CDK7: variants seen among roughly 807,000 people sequenced by gnomAD.
CDK7 encodes the protein cyclin-dependent kinase 7.
In CDK7, 25 loss-of-function variants were observed where a neutral mutation model predicts 49.1. The ratio of observed to expected loss-of-function variants is 0.51; its 90% CI spans 0.37 to 0.71. CDK7 has a LOEUF of 0.71. CDK7 is among the 30% of genes least tolerant of loss of function. CDK7 has a pLI of 0.00. For missense variants in CDK7, 316 were observed against 411.7 expected (o/e 0.77, Z 2.01); for synonymous variants, 107 against 140.0 (o/e 0.76, Z 1.67).
At chr5:69,251,664 G>C (rs575390994) in intron 2 of CDK7, among the ~76,000 whole-genome samples, 1 of 152,016 alleles carries the variant, frequency 6.6e-6, no homozygotes, top group Non-Finnish European at 1.5e-5. Context: ...CTGAGTACTT[G>C]GGACTGTAGG....
chr5:69,270,409 C>T (rs867749662), intron 9 of CDK7, among the ~76,000 whole-genome samples: 60 of 152,296 alleles, frequency 3.9e-4, no homozygotes, highest in African/African-American at 1.3e-3. Context: ...TGCACCACTG[C>T]GCTTTACCAG....
chr5:69,259,761 A>G lies in CDK7; in HGVS notation c.409-57A>G. ...TAAAGTTATGCCAACTAAATGTAGC[A>G]CTACAGTGTTCTCCCCTACCCTGCT... On this transcript the variant is annotated intron_variant, in intron 6 of 11. Coordinates refer to ENST00000256443, the MANE Select transcript of CDK7 (RefSeq NM_001799.4). The G allele has an allele frequency of 1.2e-5, 12 of 1,028,348 alleles. No individual in the cohort carries two copies. In the Middle Eastern group the frequency reaches 9.1e-4, roughly 78 times the overall value. The allele number at this position is 1,028,348 out of a possible 1,614,324, so 63.7% of individuals were successfully genotyped here. A position where few individuals can be genotyped will look rare whatever the true frequency, so the allele number is the denominator to read the frequency against.
At chr5:69,268,702 A>T (rs1561373184) in intron 8 of CDK7, among the ~76,000 whole-genome samples, 1 of 151,612 alleles carries the variant, frequency 6.6e-6, no homozygotes, top group African/African-American at 2.4e-5. Context: ...AATACAAAAA[A>T]ATTAGCCAGG....
rs1461130672 is a variant in CDK7 at position 69,265,160 on chromosome 5, G to A, written c.627+2856G>A. Reference sequence around the variant, plus strand: ...GGCACCTGTAGTTCCAGCTACTCGGGAGACTGAGGCAGGAGAATGGCATGA... The same window carrying A: ...GGCACCTGTAGTTCCAGCTACTCGGAAGACTGAGGCAGGAGAATGGCATGA... On this transcript the variant is annotated intron_variant, in intron 8 of 11. Coordinates refer to ENST00000256443, the MANE Select transcript of CDK7 (RefSeq NM_001799.4). Among the ~76,000 whole-genome samples the A allele has an allele frequency of 5.9e-5, 9 of 151,948 alleles. 1 individual carries two copies. The highest frequency in any genetic ancestry group is 5.3e-4 in the Admixed American group (8 of 15,234).
chr5:69,254,284 G>T (rs1007542589), intron 3 of CDK7, among the ~76,000 whole-genome samples: 3 of 152,080 alleles, frequency 2.0e-5, no homozygotes, highest in Non-Finnish European at 2.9e-5. Context: ...AGCACTTCAG[G>T]AGGCCAAAGC....
intron 2 of CDK7, among the ~76,000 whole-genome samples, chr5:69,238,943 C>T (rs552751165): frequency 3.9e-5 from 6 of 152,210 alleles, no homozygotes; most frequent in South Asian, 4.2e-4. Context: ...GATTCATGCT[C>T]GTTGATTATT....
At chr5:69,244,528 T>C (rs2972378) in intron 2 of CDK7, among the ~76,000 whole-genome samples, 91,060 of 150,840 alleles carry the variant, frequency 0.6, 27,937 homozygotes, top group African/African-American at 0.72. Context: ...CCCAGCTACT[T>C]GGGAGGCTGA....
At chr5:69,239,135 T>C (rs1216311037) in intron 2 of CDK7, among the ~76,000 whole-genome samples, 1 of 152,174 alleles carries the variant, frequency 6.6e-6, no homozygotes, top group South Asian at 2.1e-4. Context: ...AATTATGAAT[T>C]GATGCTTCAG....
At chr5:69,258,355 C>T (rs1039305914) in intron 6 of CDK7, among the ~76,000 whole-genome samples, 2 of 149,900 alleles carry the variant, frequency 1.3e-5, no homozygotes, top group Non-Finnish European at 3.0e-5. Context: ...AAATTTAGAA[C>T]TGGAAGAGAT....
Position 69,254,671 on chromosome 5 carries a change from T to G in CDK7, c.228+2T>G. 3.1e-5 allele frequency: 46 copies of G among 1,471,356 alleles called. No homozygotes were observed. Among genetic ancestry groups the G allele is most frequent in the Non-Finnish European group, 4.0e-5 (42 of 1,050,328 alleles). The allele number at this position is 1,471,356 out of a possible 1,614,324, so 91.1% of individuals were successfully genotyped here. A position where few individuals can be genotyped will look rare whatever the true frequency, so the allele number is the denominator to read the frequency against. Reference sequence around the variant, plus strand: ...CTAAGTCATCCAAATATAATTGGTGTGAGTATGATCAAAACTGTTACTGGG... The same window carrying G: ...CTAAGTCATCCAAATATAATTGGTGGGAGTATGATCAAAACTGTTACTGGG... On this transcript the variant is annotated splice_donor_variant, in intron 4 of 11. Coordinates refer to ENST00000256443, the MANE Select transcript of CDK7 (RefSeq NM_001799.4). LOFTEE classifies it high-confidence loss of function.
At chr5:69,241,770 A>G (rs1290530182) in intron 2 of CDK7, among the ~76,000 whole-genome samples, 1 of 152,086 alleles carries the variant, frequency 6.6e-6, no homozygotes, top group Non-Finnish European at 1.5e-5. Context: ...GATTTTTTTC[A>G]TATAGAGTTG....
At chr5:69,273,152 T>C in intron 10 of CDK7, 111 bp downstream of exon 10, 1 of 765,800 alleles carries the variant, frequency 1.3e-6, no homozygotes. Context: ...TGGAAAGATG[T>C]GTTTTTGTTT....
intron 2 of CDK7, among the ~76,000 whole-genome samples, chr5:69,251,708 T>C (rs1287067067): frequency 6.6e-6 from 1 of 152,086 alleles, no homozygotes. Flanking sequence ...TTTTTAAAAA[T>C]GTTGAGTAGA....
At chr5:69,252,485 A>C in intron 3 of CDK7, 34 bp downstream of exon 3, 1 of 999,060 alleles carries the variant, frequency 1.0e-6, no homozygotes, top group Non-Finnish European at 1.5e-6. Context: ...AGATAGGAAA[A>C]GTTTTCTCCT....
At chr5:69,249,787 A>C (rs1168523225) in intron 2 of CDK7, among the ~76,000 whole-genome samples, 1 of 152,236 alleles carries the variant, frequency 6.6e-6, no homozygotes, top group Non-Finnish European at 1.5e-5. Context: ...CAGAGGTTGC[A>C]GTGAGCTGAG....
At chr5:69,262,668 C>CA (rs35645434) in intron 8 of CDK7, among the ~76,000 whole-genome samples, 55,475 of 113,074 alleles carry the variant, frequency 0.49, 11,796 homozygotes, top group Middle Eastern at 0.55. Context: ...GGCTCCATCT[C>CA]AAAAAAAAAA....
chr5:69,237,119 G>C (rs1450235842), intron 2 of CDK7, among the ~76,000 whole-genome samples: 8 of 151,876 alleles, frequency 5.3e-5, no homozygotes, highest in Admixed American at 5.3e-4. Flanking sequence ...GCAGGAGGAG[G>C]TCTCACTCTG....
At chr5:69,236,758 TCTC>T (rs1000979739) in intron 2 of CDK7, among the ~76,000 whole-genome samples, 3 of 151,850 alleles carry the variant, frequency 2.0e-5, no homozygotes, top group African/African-American at 7.2e-5. Flanking sequence ...TTCAAGCACT[TCTC>T]CTGTCTCAGC....
chr5:69,253,334 G>A (rs774005271), intron 3 of CDK7, among the ~76,000 whole-genome samples: 4 of 151,794 alleles, frequency 2.6e-5, no homozygotes, highest in Non-Finnish European at 5.9e-5. Flanking sequence ...TCGCAATCTC[G>A]GCTCACTGCA....
Sources: allele counts gnomAD v4.1 joint callset (sites outside exome capture counted in the v4.1 genomes callset), GRCh38; gene constraint gnomAD v4.1.1; transcripts MANE v1.5; gene names NCBI Gene and HGNC (gene_info 2026-07-23, HGNC 2026-07-21).